MAN1A2: variants seen among roughly 807,000 people sequenced by gnomAD.
The protein encoded by MAN1A2 is mannosyl-oligosaccharide 1,2-alpha-mannosidase IB.
A neutral mutation model predicts 75.7 loss-of-function variants in MAN1A2; 26 were observed. The ratio of observed to expected loss-of-function variants is 0.34; its 90% CI spans 0.25 to 0.48. MAN1A2 has a LOEUF of 0.48. Among genes scored for constraint, MAN1A2 ranks in the 20% least tolerant of loss-of-function variants. The pLI is 0.99. For synonymous variants in MAN1A2, 247 were observed against 264.6 expected (o/e 0.93, Z 0.65); for missense variants, 562 against 775.5 (o/e 0.72, Z 3.27).
chr1:117,397,586 A>G (rs970441275), intron 1 of MAN1A2, among the ~76,000 whole-genome samples: 2 of 151,260 alleles, frequency 1.3e-5, no homozygotes, highest in Non-Finnish European at 2.9e-5. Context: ...TATGGATTTT[A>G]ATATTTAATA....
At chr1:117,504,885 T>G (rs1484899133) in intron 12 of MAN1A2, among the ~76,000 whole-genome samples, 1 of 151,544 alleles carries the variant, frequency 6.6e-6, no homozygotes, top group Non-Finnish European at 1.5e-5. Context: ...GCATGAACAT[T>G]ATATGGATCT....
intron 11 of MAN1A2, 44 bp downstream of exon 11, chr1:117,499,598 C>A: frequency 6.6e-7 from 1 of 1,511,754 alleles, no homozygotes. Flanking sequence ...AGTGTTAACT[C>A]ATGCCCTCCT....
intron 5 of MAN1A2, among the ~76,000 whole-genome samples, chr1:117,429,971 C>T (rs1648553337): frequency 2.8e-5 from 2 of 72,232 alleles, no homozygotes; most frequent in South Asian, 5.9e-4. Flanking sequence ...GGGCGGCTGG[C>T]CGGGCGGAGG....
rs192669149 is a variant in MAN1A2, at chr1:117,495,834, T to C, written c.1285-929T>C. On this transcript the variant is annotated intron_variant, in intron 9 of 12. Transcript: ENST00000356554. ...CTTCAGAGTGCTATGGTTAAAACAATGACAAAAACTTATAATCCAAAGATA... is the reference window on the plus strand; with the variant it reads ...CTTCAGAGTGCTATGGTTAAAACAACGACAAAAACTTATAATCCAAAGATA... 2.0e-5 allele frequency among the ~76,000 whole-genome samples: 3 copies of C among 152,028 alleles called. No individual in the cohort carries two copies. In the East Asian group the frequency reaches 5.8e-4, roughly 29 times the overall value.
In MAN1A2 at chr1:117,414,736, A is replaced by G; in HGVS notation, c.679A>G (p.Ile227Val). 2.5e-6 allele frequency: 4 copies of G among 1,603,766 alleles called. No homozygotes were observed. The highest frequency in any genetic ancestry group is 1.1e-5 in the South Asian group (1 of 90,618). ...IFGSSQMGAT[I>V]VDALDTLYIM... ...AGGAAGTTCACAAATGGGTGCTACCATAGTAGATGCTTTGGATACCCTTTA... is the reference window on the plus strand; with the variant it reads ...AGGAAGTTCACAAATGGGTGCTACCGTAGTAGATGCTTTGGATACCCTTTA... Residue 227 changes from isoleucine (I) to valine (V), a missense_variant, in exon 4 of 13, where the codon ATA (isoleucine) becomes GTA (valine). Around this residue, in one of 2 missense-constraint regions of MAN1A2, gnomAD observed 434 missense variants for 645.7 expected, o/e 0.67. Coordinates refer to ENST00000356554, the MANE Select transcript of MAN1A2 (RefSeq NM_006699.5).
chr1:117,448,084 C>T (rs571393649), intron 6 of MAN1A2, among the ~76,000 whole-genome samples: 1 of 152,244 alleles, frequency 6.6e-6, no homozygotes, highest in African/African-American at 2.4e-5. Flanking sequence ...CTTGTATCCT[C>T]TCTGAGTTCC....
chr1:117,515,853 C>G (rs1557981317), intron 12 of MAN1A2: 1 of 152,008 alleles, frequency 6.6e-6, no homozygotes. Flanking sequence ...TTGCAAAGAA[C>G]AGTGTGAATA....
intron 1 of MAN1A2, among the ~76,000 whole-genome samples, chr1:117,399,576 C>T (rs1647340980): frequency 5.9e-5 from 9 of 152,262 alleles, no homozygotes; most frequent in Admixed American, 5.2e-4. Flanking sequence ...TTGATAGTTA[C>T]TCCATAGAAT....
intron 8 of MAN1A2, among the ~76,000 whole-genome samples, chr1:117,488,182 A>C (rs1650772454): frequency 6.6e-6 from 1 of 151,722 alleles, no homozygotes; most frequent in Non-Finnish European, 1.5e-5. Flanking sequence ...GAAAATAAAG[A>C]ATATCATTAA....
At chr1:117,474,267 C>T (rs903675240) in intron 8 of MAN1A2, among the ~76,000 whole-genome samples, 4 of 151,972 alleles carry the variant, frequency 2.6e-5, no homozygotes, top group African/African-American at 9.7e-5. Context: ...ACCCAGCCAC[C>T]TACTTTTCCC....
At chr1:117,426,310 G>C (rs1648371194) in intron 5 of MAN1A2, among the ~76,000 whole-genome samples, 1 of 151,566 alleles carries the variant, frequency 6.6e-6, no homozygotes, top group Non-Finnish European at 1.5e-5. Flanking sequence ...TGTATGTGTT[G>C]GGCTGCAGGG....
At chr1:117,508,673 T>C (rs1289808211) in intron 12 of MAN1A2, among the ~76,000 whole-genome samples, 2 of 151,646 alleles carry the variant, frequency 1.3e-5, no homozygotes, top group African/African-American at 4.8e-5. Flanking sequence ...GTTAAGTAAA[T>C]TATGGCACAT....
At chr1:117,421,408 G>T (rs1043760378) in intron 5 of MAN1A2, among the ~76,000 whole-genome samples, 8 of 151,082 alleles carry the variant, frequency 5.3e-5, no homozygotes, top group Non-Finnish European at 1.0e-4. Flanking sequence ...ATTTTTTTTT[G>T]TTGTTAATGT....
At chr1:117,429,747 C>T (rs1648535204) in intron 5 of MAN1A2, among the ~76,000 whole-genome samples, 3 of 108,664 alleles carry the variant, frequency 2.8e-5, no homozygotes, top group African/African-American at 3.6e-5. Flanking sequence ...GGGCGGCTGG[C>T]CGGGCGGGGG....
rs138157591 is a variant in MAN1A2 at position 117,408,360 on chromosome 1, T to C, written c.655+2715T>C. ...CTTTCTATTTAGATATTCTGGAAAG[T>C]AGAAAGTTTTGTTAGGGATAGGTCT... On this transcript the variant is annotated intron_variant, in intron 3 of 12. Coordinates refer to ENST00000356554, the MANE Select transcript of MAN1A2 (RefSeq NM_006699.5). Among the ~76,000 whole-genome samples the C allele has an allele frequency of 1.2e-3, 173 of 149,428 alleles. 1 individual carries two copies. Among genetic ancestry groups the C allele is most frequent in the Non-Finnish European group, 2.0e-3 (136 of 67,316 alleles).
At chr1:117,398,188 A>C (rs1188687159) in intron 1 of MAN1A2, among the ~76,000 whole-genome samples, 2 of 152,172 alleles carry the variant, frequency 1.3e-5, no homozygotes, top group African/African-American at 4.8e-5. Flanking sequence ...AAAGAATCAC[A>C]TGTGGTTAAG....
In MAN1A2 at chr1:117,525,144, T is replaced by C. The variant is rs1448939875; in HGVS notation, c.*2187T>C. On this transcript the variant is annotated 3_prime_UTR_variant, in exon 13 of 13. Coordinates refer to ENST00000356554, the MANE Select transcript of MAN1A2 (RefSeq NM_006699.5). ...CCTACTTCCAAGTGCTCTATTTGTA[T>C]TACCCAGATGACTGAAGCTTAAGAG... The C allele has an allele frequency of 1.1e-5, 6 of 527,818 alleles. No homozygotes were observed. Among genetic ancestry groups the C allele is most frequent in the Non-Finnish European group, 1.9e-5 (5 of 257,676 alleles). 32.7% of individuals were successfully genotyped at this position (527,818 alleles called of 1,614,324 possible).
intron 4 of MAN1A2, among the ~76,000 whole-genome samples, chr1:117,416,889 G>A (rs1180522436): frequency 6.6e-6 from 1 of 152,138 alleles, no homozygotes; most frequent in Non-Finnish European, 1.5e-5. Flanking sequence ...ATCTGTAAAG[G>A]AAACCATGAG....
intron 1 of MAN1A2, among the ~76,000 whole-genome samples, chr1:117,379,810 A>G (rs1164249352): frequency 6.6e-6 from 1 of 152,174 alleles, no homozygotes. Context: ...GGTAACAGGT[A>G]TTAGCACTTC....
Sources: gnomAD v4.1 joint callset for allele counts (sites outside exome capture counted in the v4.1 genomes callset) on GRCh38, gnomAD v4.1.1 for gene constraint, gnomAD v4.1.1 regional missense constraint, MANE v1.5 for transcripts, NCBI Gene and HGNC (gene_info 2026-07-23, HGNC 2026-07-21) for gene names.